The following ZNF219 variants were observed in gnomAD, a reference collection of about 807,000 sequenced individuals.
The protein encoded by ZNF219 is zinc finger protein 219.
ZNF219 carries 17 observed loss-of-function variants against 54.4 expected under a neutral mutation model. That is an observed-to-expected ratio of 0.31 (90% CI 0.21 to 0.47). The LOEUF (loss-of-function observed/expected upper bound fraction) is 0.47. Among genes scored for constraint, ZNF219 ranks in the 20% least tolerant of loss-of-function variants. The pLI is 1.00. For synonymous variants in ZNF219, 518 were observed against 476.4 expected, an observed-to-expected ratio of 1.09 and a Z score of -1.14; for missense variants, 1,014 against 1,062.3, an observed-to-expected ratio of 0.95 and a Z score of 0.63.
At position 21,090,648 on chromosome 14, in the gene ZNF219, G is replaced by A. The variant is rs776426859; in HGVS notation, c.2057C>T (p.Pro686Leu). 1 of 1,612,446 alleles carries A rather than the reference G, an allele frequency of 6.2e-7. No individual in the cohort carries two copies. Among genetic ancestry groups the A allele is most frequent in the African/African-American group, 1.3e-5 (1 of 74,936 alleles). The change falls in exon 5 of 5, where the codon CCC (proline) becomes CTC (leucine). Residue 686 changes from proline (P) to leucine (L), a missense_variant. Physicochemically the swap from Pro to Leu is moderately conservative, Grantham distance 98 (BLOSUM62 -3). This residue lies in a region of ZNF219 where 281 missense variants were observed against 271.2 expected (regional missense o/e 1.04). Transcript: ENST00000360947. This position sits in a 1 kb window ranked among gnomAD's most constrained non-coding sequence, Gnocchi z 4.4. ...CTCTCCTGATGGTACTCGGGCATAG[G>A]GCGGGGACGCGTCAGCCTGGGGTGG... ...RRPPQADASP[P>L]YARVPSGETP... is the part of the protein sequence containing the mutation.
Position 21,091,532 on chromosome 14 carries a change from C to T in ZNF219, c.1443G>A (p.Gly481=). ...ARSTATQEEN[G]LLVGGTRPEG... The stretch of plus-strand genomic sequence containing the variant: ...CAGGCCGGGTCCCTCCAACCAACAG[C>T]CCATTCTCTTCTGCAACACATACGT... Residue 481 remains glycine (G), a synonymous_variant, in exon 4 of 5, where the codon GGG becomes GGA. Transcript: ENST00000360947. 2 of 1,601,620 alleles carry T rather than the reference C, an allele frequency of 1.2e-6. No individual in the cohort carries two copies. The highest frequency in any genetic ancestry group is 2.2e-5 in the South Asian group (2 of 90,794).
chr14:21,102,534 G>A (rs546027393), upstream of ZNF219: 15 of 1,551,802 alleles, frequency 9.7e-6, no homozygotes, highest in South Asian at 1.8e-4. Flanking sequence ...CAATGAAGGA[G>A]AAGGTGGGAG....
rs987487137 is a variant in ZNF219 at position 21,090,235 on chromosome 14, T to A, written c.*301A>T. 7 of 638,228 alleles carry A rather than the reference T, an allele frequency of 1.1e-5. No homozygotes were observed. The highest frequency in any genetic ancestry group is 1.5e-5 in the Non-Finnish European group (5 of 343,362). 39.5% of individuals were successfully genotyped at this position (638,228 alleles called of 1,614,324 possible). On this transcript the variant is annotated 3_prime_UTR_variant, in exon 5 of 5. Coordinates refer to ENST00000360947, the MANE Select transcript of ZNF219 (RefSeq NM_016423.3). This position sits in a 1 kb window ranked among gnomAD's most constrained non-coding sequence, Gnocchi z 4.4. ...TTGTACAAAAATAAACTCTCACGCCTATGGACCAGCAAAGACTGGCAGAGT... is the reference window on the plus strand; with the variant it reads ...TTGTACAAAAATAAACTCTCACGCCAATGGACCAGCAAAGACTGGCAGAGT...
At position 21,098,571 on chromosome 14, in the gene ZNF219, G is replaced by T; in HGVS notation, c.-343C>A. The stretch of plus-strand genomic sequence containing the variant: ...GGGCTGGGAGCCGCGCGGGAGCCGG[G>T]CTCTGGCTCCGGGGACAGGGAGCTG... On this transcript the variant is annotated 5_prime_UTR_variant, in exon 1 of 5. Transcript: ENST00000360947. The T allele has an allele frequency of 1.0e-6, 1 of 993,170 alleles. No individual in the cohort carries two copies. The allele number at this position is 993,170 out of a possible 1,614,324, so 61.5% of individuals were successfully genotyped here.
At position 21,093,072 on chromosome 14, in the gene ZNF219, G is replaced by C. The variant is rs1889064239; in HGVS notation, c.225C>G (p.His75Gln). ...RFRFNSILAL[H>Q]LRAHPGAQAF... ...CCTGGGCTCCTGGGTGCGCCCGCAG[G>C]TGCAAAGCAAGGATAGAGTTGAAGC... The change falls in exon 3 of 5, where the codon CAC (histidine) becomes CAG (glutamine). Residue 75 changes from histidine to glutamine, a missense_variant. Around this residue, in one of 5 missense-constraint regions of ZNF219, gnomAD observed 395 missense variants for 415.1 expected, o/e 0.95. Transcript: ENST00000360947. 6.2e-7 allele frequency: 1 copy of C among 1,603,142 alleles called. No individual in the cohort carries two copies. The highest frequency in any genetic ancestry group is 1.3e-5 in the African/African-American group (1 of 74,734).
At chr14:21,091,365 T>C in intron 4 of ZNF219, 46 bp downstream of exon 4, 1 of 1,567,912 alleles carries the variant, frequency 6.4e-7, no homozygotes, top group Non-Finnish European at 8.7e-7. Flanking sequence ...CTCACCTTTC[T>C]GCCCGCCCCC....
chr14:21,092,322 G>A lies in ZNF219; in HGVS notation c.975C>T (p.Ala325=), dbSNP rs751094498. The part of the protein sequence containing the change: ...WFLKNHMKVH[A]SKLGPLRAPG... ...GGGCACGCAGTGGGCCCAGCTTGCT[G>A]GCGTGCACCTTCATGTGGTTCTTAA... The change falls in exon 3 of 5, where the codon GCC becomes GCT. Residue 325 remains alanine (A), a synonymous_variant. Transcript: ENST00000360947. 2.6e-6 allele frequency: 4 copies of A among 1,561,246 alleles called. No homozygotes were observed. Among genetic ancestry groups the A allele is most frequent in the Admixed American group, 1.8e-5 (1 of 54,124 alleles).
Position 21,090,560 on chromosome 14 carries a change from T to C in ZNF219, c.2145A>G (p.Ala715=), listed in dbSNP as rs1364116800. The change falls in exon 5 of 5, where the codon GCA becomes GCG. Residue 715 remains alanine (A), a synonymous_variant. Coordinates refer to ENST00000360947, the MANE Select transcript of ZNF219 (RefSeq NM_016423.3). This position sits in a 1 kb window ranked among gnomAD's most constrained non-coding sequence, Gnocchi z 4.4. ...ACTACCGTTCTTGCCCCCCCAGCCC[T>C]GCCTCTCCGGGTCTGGACAGCCCGG... The part of the protein sequence containing the change: ...EGSGLSRPGE[A]GLGGQER 3.1e-6 allele frequency: 5 copies of C among 1,602,128 alleles called. No homozygotes were observed. Among genetic ancestry groups the C allele is most frequent in the Non-Finnish European group, 4.3e-6 (5 of 1,172,314 alleles).
upstream of ZNF219, chr14:21,101,598 C>A: frequency 1.3e-6 from 1 of 774,708 alleles, no homozygotes; most frequent in Non-Finnish European, 2.0e-6. Context: ...TAGAGGAAAA[C>A]ATAGAAATAA....
Position 21,090,167 on chromosome 14 carries a change from C to T in ZNF219, c.*369G>A, listed in dbSNP as rs1888707088. 4 of 511,946 alleles carry T rather than the reference C, an allele frequency of 7.8e-6. No homozygotes were observed. The highest frequency in any genetic ancestry group is 1.5e-5 in the Non-Finnish European group (4 of 263,968). The allele number at this position is 511,946 out of a possible 1,614,324, so 31.7% of individuals were successfully genotyped here. On this transcript the variant is annotated 3_prime_UTR_variant, in exon 5 of 5. Coordinates refer to ENST00000360947, the MANE Select transcript of ZNF219 (RefSeq NM_016423.3). The surrounding 1 kb of genome is among the most constrained non-coding windows in gnomAD (Gnocchi z 4.4). ...CAAAAATAGCGACGTCTACAGGGCC[C>T]CTGATGGGGCTAGAAGGGTACAGTG... is the stretch of plus-strand genomic sequence containing the variant.
At chr14:21,099,912 A>G (rs1889529142), upstream of ZNF219, among the ~76,000 whole-genome samples, 1 of 152,166 alleles carries the variant, frequency 6.6e-6, no homozygotes, top group Admixed American at 6.5e-5. Flanking sequence ...TTCCTTCTGA[A>G]TAACACTTTT....
rs773524079 is a variant in ZNF219, at chr14:21,092,693, C to G, written c.604G>C (p.Glu202Gln). The stretch of plus-strand genomic sequence containing the variant: ...GTCAGGCTGTGGTGCAGCAGCTCCT[C>G]CTCCTGGCTGGAGCCGAAACTGCAC... ...GLCSFGSSQE[E>Q]ELLHHSLTAH... is the part of the protein sequence containing the mutation. The change falls in exon 3 of 5, where the codon GAG becomes CAG. Residue 202 changes from glutamate (E) to glutamine (Q), a missense_variant. By Grantham distance (29) the Glu-to-Gln change is conservative (BLOSUM62 2). Around this residue, in one of 5 missense-constraint regions of ZNF219, gnomAD observed 395 missense variants for 415.1 expected, o/e 0.95. Coordinates refer to ENST00000360947, the MANE Select transcript of ZNF219 (RefSeq NM_016423.3). 6 of 1,578,894 alleles carry G rather than the reference C, an allele frequency of 3.8e-6. No homozygotes were observed. In the East Asian group the frequency reaches 1.4e-4, roughly 36 times the overall value.
At chr14:21,102,996 G>T, upstream of ZNF219, 1 of 1,428,892 alleles carries the variant, frequency 7.0e-7, no homozygotes, top group Non-Finnish European at 9.5e-7. Context: ...TAAAAGAGTG[G>T]GAAAGCATTA....
upstream of ZNF219, chr14:21,103,277 T>C: frequency 1.9e-6 from 3 of 1,546,864 alleles, no homozygotes; most frequent in Non-Finnish European, 2.6e-6. Flanking sequence ...TCTCCAGACA[T>C]TCCTGCATCC....
chr14:21,090,989 C>G lies in ZNF219; in HGVS notation c.1716G>C (p.Ser572=), dbSNP rs757170119. 1 of 1,549,436 alleles carries G rather than the reference C, an allele frequency of 6.5e-7. No individual in the cohort carries two copies. The highest frequency in any genetic ancestry group is 1.4e-5 in the African/African-American group (1 of 73,570). The stretch of plus-strand genomic sequence containing the variant: ...ACGGCTTGGCTCCAGATTGCGGGGC[C>G]GAACCCCGCTGGGAAGGAGGCGGTG... ...PEPPPPSQRG[S]APQSGAKPSP... is the part of the protein sequence containing the mutation. The change falls in exon 5 of 5, where the codon TCG becomes TCC. Residue 572 remains serine, a synonymous_variant. Coordinates refer to ENST00000360947, the MANE Select transcript of ZNF219 (RefSeq NM_016423.3). This position sits in a 1 kb window ranked among gnomAD's most constrained non-coding sequence, Gnocchi z 4.4.
chr14:21,092,984 G>C lies in ZNF219; in HGVS notation c.313C>G (p.Arg105Gly). ...CGTGGGCGCTCGGGCTGGTGTGTGCGCAGGTGCGAGCGCAGCAGAGCCCGC... is the reference window on the plus strand; with the variant it reads ...CGTGGGCGCTCGGGCTGGTGTGTGCCCAGGTGCGAGCGCAGCAGAGCCCGC... ...AQRALLRSHLRTHQPERPRSP... is the reference protein window; with the variant it reads ...AQRALLRSHLGTHQPERPRSP... The change falls in exon 3 of 5, where the codon CGC becomes GGC. Residue 105 changes from arginine (R) to glycine (G), a missense_variant. Physicochemically the swap from Arg to Gly is moderately radical, Grantham distance 125 (BLOSUM62 -2). This residue lies in a region of ZNF219 where 395 missense variants were observed against 415.1 expected (regional missense o/e 0.95). Coordinates refer to ENST00000360947, the MANE Select transcript of ZNF219 (RefSeq NM_016423.3). The C allele has an allele frequency of 6.3e-7, 1 of 1,596,828 alleles. No homozygotes were observed. The highest frequency in any genetic ancestry group is 8.5e-7 in the Non-Finnish European group (1 of 1,174,562).
upstream of ZNF219, among the ~76,000 whole-genome samples, chr14:21,100,797 G>A (rs1889585114): frequency 6.6e-6 from 1 of 152,128 alleles, no homozygotes. Flanking sequence ...CTCTAGGGAA[G>A]GGCACATAAT....
In ZNF219 at chr14:21,092,031, A is replaced by G. The variant is rs1251608198; in HGVS notation, c.1266T>C (p.Arg422=). The G allele has an allele frequency of 1.9e-6, 3 of 1,550,174 alleles. No individual in the cohort carries two copies. The Admixed American group carries it at 5.9e-5, about 30-fold the overall frequency. Residue 422 remains arginine (R), a synonymous_variant, in exon 3 of 5, where the codon CGT becomes CGC. Coordinates refer to ENST00000360947, the MANE Select transcript of ZNF219 (RefSeq NM_016423.3). The part of the protein sequence containing the change: ...SALPARARRH[R]AEEPEEEEEV... ...CCTCTTCTTCCTCAGGCTCCTCCGCACGGTGCCGGCGAGCCCGGGCCGGGA... is the reference window on the plus strand; with the variant it reads ...CCTCTTCTTCCTCAGGCTCCTCCGCGCGGTGCCGGCGAGCCCGGGCCGGGA...
upstream of ZNF219, chr14:21,101,583 G>A (rs1457513396): frequency 1.2e-6 from 1 of 823,318 alleles, no homozygotes; most frequent in Non-Finnish European, 1.9e-6. Context: ...TGAATGGGAG[G>A]AGGGTAGAGG....
Sources: gnomAD v4.1 joint callset for allele counts (sites outside exome capture counted in the v4.1 genomes callset) on GRCh38, gnomAD v4.1.1 for gene constraint, gnomAD v4.1.1 regional missense constraint, Gnocchi (gnomAD v3.1) non-coding constraint, MANE v1.5 for transcripts, NCBI Gene and HGNC (gene_info 2026-07-23, HGNC 2026-07-21) for gene names.